The following LCORL variants were observed in gnomAD, a reference collection of about 807,000 sequenced individuals.
The protein encoded by LCORL is ligand-dependent nuclear receptor corepressor-like protein.
A neutral mutation model predicts 141.8 loss-of-function variants in LCORL; 41 were observed. That is an observed-to-expected ratio of 0.29 (90% CI 0.23 to 0.38). LCORL has a LOEUF of 0.38. Among genes scored for constraint, LCORL ranks in the 10% least tolerant of loss-of-function variants. The probability of loss-of-function intolerance (pLI) is 1.00; values close to 1 mark genes in which losing one functional copy is unlikely to be tolerated. For synonymous variants in LCORL, 618 were observed against 694.1 expected (o/e 0.89, Z 1.72); for missense variants, 1,759 against 2,035.0 (o/e 0.86, Z 2.61).
intron 4 of LCORL, among the ~76,000 whole-genome samples, chr4:17,929,462 C>T (rs565305392): frequency 2.0e-5 from 3 of 152,200 alleles, no homozygotes; most frequent in Admixed American, 6.5e-5. Context: ...AACATAAACG[C>T]ACTCATATAC....
At chr4:17,991,953 GAC>G (rs1417523222) in intron 1 of LCORL, among the ~76,000 whole-genome samples, 2 of 152,116 alleles carry the variant, frequency 1.3e-5, no homozygotes, top group Non-Finnish European at 2.9e-5. Context: ...GTGATGGTGA[GAC>G]ACAGAGAGTA....
In LCORL at chr4:17,884,237, C is replaced by T. The variant is rs1291732959; in HGVS notation, c.776+1831G>A. On this transcript the variant is annotated intron_variant, in intron 6 of 7. Transcript: ENST00000635767. The surrounding 1 kb of genome is among the most constrained non-coding windows in gnomAD (Gnocchi z 4.4). ...AACTTGATACATAACATCCAACAGA[C>T]CAGAACCATCAGGTTGTGATTTTGA... 6.4e-7 allele frequency: 1 copy of T among 1,550,496 alleles called. No individual in the cohort carries two copies. Among genetic ancestry groups the T allele is most frequent in the Admixed American group, 2.0e-5 (1 of 50,836 alleles).
At position 17,879,771 on chromosome 4, in the gene LCORL, C is replaced by T. The variant is rs572995867; in HGVS notation, c.777-1558G>A. Among the ~76,000 whole-genome samples, 24 of 151,136 alleles carry T rather than the reference C, an allele frequency of 1.6e-4. 1 individual carries two copies. The South Asian group carries it at 4.6e-3, about 29-fold the overall frequency. On this transcript the variant is annotated intron_variant, in intron 6 of 7. Coordinates refer to ENST00000635767, the Ensembl canonical transcript of LCORL. ...AACCCAGAATGTTGTGAGAGATGCA[C>T]TTCAGTAGTTTCTAAAGTGATGTTA...
At chr4:18,007,512 A>T (rs1723009939) in intron 1 of LCORL, among the ~76,000 whole-genome samples, 1 of 152,124 alleles carries the variant, frequency 6.6e-6, no homozygotes, top group African/African-American at 2.4e-5. Flanking sequence ...TATCGCATTT[A>T]TCGTATTCTG....
At chr4:17,975,227 A>G (rs2109683138) in intron 1 of LCORL, among the ~76,000 whole-genome samples, 1 of 152,222 alleles carries the variant, frequency 6.6e-6, no homozygotes, top group African/African-American at 2.4e-5. Context: ...ATTCCCCTCT[A>G]TTCACTACAA....
At chr4:18,005,660 A>G (rs1722673585) in intron 1 of LCORL, among the ~76,000 whole-genome samples, 2 of 152,214 alleles carry the variant, frequency 1.3e-5, no homozygotes, top group Non-Finnish European at 2.9e-5. Flanking sequence ...GTGCACTCAC[A>G]GGCTCAACAC....
chr4:17,991,982 G>GATACCTAA (rs1720100589), intron 1 of LCORL, among the ~76,000 whole-genome samples: 2 of 152,096 alleles, frequency 1.3e-5, no homozygotes, highest in Admixed American at 6.5e-5. Context: ...ACCTAAAGGG[G>GATACCTAA]AGCAGAGGTA....
chr4:17,940,781 G>A (rs1366563682), intron 4 of LCORL, among the ~76,000 whole-genome samples: 1 of 148,324 alleles, frequency 6.7e-6, no homozygotes, highest in East Asian at 1.9e-4. Context: ...ATGGACCCAT[G>A]AAATCCTATC....
intron 1 of LCORL, among the ~76,000 whole-genome samples, chr4:18,008,836 G>A (rs1371761030): frequency 1.3e-5 from 2 of 152,068 alleles, no homozygotes; most frequent in African/African-American, 2.4e-5. Flanking sequence ...AAGAACATAC[G>A]TAGACTAATG....
chr4:17,849,630 A>G (rs1723382875), intron 7 of LCORL, among the ~76,000 whole-genome samples: 1 of 152,216 alleles, frequency 6.6e-6, no homozygotes, highest in Non-Finnish European at 1.5e-5. Context: ...TCCTCCTCCA[A>G]AGGAACGCAG....
intron 4 of LCORL, among the ~76,000 whole-genome samples, chr4:17,946,202 A>C (rs1186360330): frequency 6.6e-6 from 1 of 152,028 alleles, no homozygotes; most frequent in Non-Finnish European, 1.5e-5. Flanking sequence ...GCAACTAAGA[A>C]GGTGAATGCT....
intron 4 of LCORL, among the ~76,000 whole-genome samples, chr4:17,952,763 A>G (rs1711681093): frequency 6.6e-6 from 1 of 152,166 alleles, no homozygotes. Context: ...GTACCTGTGC[A>G]TGTCTGTTAT....
exon 6 of LCORL, chr4:17,886,092 G>T: frequency 1.3e-6 from 2 of 1,589,206 alleles, no homozygotes; most frequent in Non-Finnish European, 1.7e-6. Flanking sequence ...TTCAGAAGAA[G>T]GATCACATAT....
rs908231714 is a variant in LCORL, at chr4:17,916,609, T to C, written c.431-7264A>G. ...GTCATGCTTGCACAGACTTACAGAC[T>C]GCAAAAGCATGAAAGCATGAGCCAA... On this transcript the variant is annotated intron_variant, in intron 4 of 7. Transcript: ENST00000635767. Among the ~76,000 whole-genome samples, 4 of 151,682 alleles carry C rather than the reference T, an allele frequency of 2.6e-5. No individual in the cohort carries two copies. In the South Asian group the frequency reaches 8.3e-4, roughly 32 times the overall value.
Position 17,949,255 on chromosome 4 carries a change from C to T in LCORL, c.430+12648G>A, listed in dbSNP as rs1453764621. Among the ~76,000 whole-genome samples, 7 of 152,100 alleles carry T rather than the reference C, an allele frequency of 4.6e-5. No individual in the cohort carries two copies. The South Asian group carries it at 8.3e-4, about 18-fold the overall frequency. ...ATGTGGAAGAGGCCAGATCCCTCCT[C>T]TCCTTCTCAGCCATAGTGATGCTAA... On this transcript the variant is annotated intron_variant, in intron 4 of 7. Coordinates refer to ENST00000635767, the Ensembl canonical transcript of LCORL.
intron 7 of LCORL, among the ~76,000 whole-genome samples, chr4:17,868,582 G>A (rs1039849310): frequency 4.6e-5 from 7 of 152,068 alleles, no homozygotes; most frequent in East Asian, 3.9e-4. Context: ...TCCAACAGTC[G>A]CACTCCATTT....
At chr4:17,930,902 T>C (rs954607709) in intron 4 of LCORL, among the ~76,000 whole-genome samples, 2 of 152,188 alleles carry the variant, frequency 1.3e-5, no homozygotes, top group Admixed American at 1.3e-4. Flanking sequence ...GTATAGAGCA[T>C]TGAGATGATC....
At chr4:17,974,485 A>G (rs1214091575) in intron 1 of LCORL, among the ~76,000 whole-genome samples, 3 of 152,140 alleles carry the variant, frequency 2.0e-5, no homozygotes, top group African/African-American at 4.8e-5. Context: ...CCATACTTTC[A>G]TTTTGCCAAG....
intron 5 of LCORL, among the ~76,000 whole-genome samples, chr4:17,900,034 T>C (rs1453834518): frequency 1.3e-5 from 2 of 152,128 alleles, no homozygotes; most frequent in African/African-American, 2.4e-5. Flanking sequence ...ACTTAACCCA[T>C]ATAACAAATT....
Sources: gnomAD v4.1 joint callset for allele counts (sites outside exome capture counted in the v4.1 genomes callset) on GRCh38, gnomAD v4.1.1 for gene constraint, Gnocchi (gnomAD v3.1) non-coding constraint, MANE v1.5 for transcripts, NCBI Gene and HGNC (gene_info 2026-07-23, HGNC 2026-07-21) for gene names.